Variants in NOMO1 observed in about 807,000 individuals in gnomAD.
NOMO1 encodes NODAL modulator 1.
NOMO1 carries 40 observed loss-of-function variants against 133.8 expected under a neutral mutation model. That is an observed-to-expected ratio of 0.30 (90% confidence interval 0.23 to 0.39). NOMO1 has a LOEUF of 0.39. Ranked by LOEUF, NOMO1 falls within the 10% of genes least tolerant of loss-of-function variation. The pLI is 1.00. For missense variants in NOMO1, 462 were observed against 1,419.9 expected, an observed-to-expected ratio of 0.33 and a Z score of 10.84; for synonymous variants, 236 against 570.5, an observed-to-expected ratio of 0.41 and a Z score of 8.36.
At chr16:14,860,293 G>A (rs553109929) in intron 11 of NOMO1, among the ~76,000 whole-genome samples, 5 of 151,714 alleles carry the variant, frequency 3.3e-5, no homozygotes, top group African/African-American at 4.9e-5. Context: ...GCTTGAACCC[G>A]GGAGGCAGGG....
At chr16:14,867,171 TATATA>T (rs1163560578) in intron 15 of NOMO1, among the ~76,000 whole-genome samples, 10 of 20,904 alleles carry the variant, frequency 4.8e-4, no homozygotes, top group African/African-American at 1.0e-3. Context: ...TATATATATA[TATATA>T]TTTTTTTTTT....
chr16:14,867,149 GAT>G (rs1171568936), intron 15 of NOMO1, among the ~76,000 whole-genome samples: 1,276 of 17,268 alleles, frequency 0.074, 112 homozygotes, highest in Non-Finnish European at 0.091. Context: ...GAGTTTCTCT[GAT>G]ATATATATAT....
chr16:14,867,176 A>ATATTTTTT (rs1465653437), intron 15 of NOMO1, among the ~76,000 whole-genome samples: 1 of 7,476 alleles, frequency 1.3e-4, no homozygotes, highest in African/African-American at 2.7e-4. Context: ...ATATATATAT[A>ATATTTTTT]TTTTTTTTTT....
chr16:14,836,746 C>T (rs912746096), intron 1 of NOMO1, among the ~76,000 whole-genome samples: 3 of 148,350 alleles, frequency 2.0e-5, no homozygotes, highest in Non-Finnish European at 4.5e-5. Context: ...TCGCCCAGGC[C>T]GGACTGCAGA....
intron 26 of NOMO1, among the ~76,000 whole-genome samples, chr16:14,883,340 T>TTTTTTTTC (rs1964272483): frequency 7.0e-6 from 1 of 141,916 alleles, no homozygotes; most frequent in South Asian, 2.2e-4. Flanking sequence ...TTTCTTTTTC[T>TTTTTTTTC]TTTTTTTTTT....
chr16:14,840,945 G>T (rs991194423), intron 2 of NOMO1, among the ~76,000 whole-genome samples: 3 of 151,734 alleles, frequency 2.0e-5, no homozygotes, highest in African/African-American at 4.9e-5. Context: ...GGGATTATAG[G>T]TGTGAGGTGC....
In NOMO1 at chr16:14,891,436, A is replaced by G. The variant is rs1217685781; in HGVS notation, c.3444+2221A>G. Among the ~76,000 whole-genome samples, 6 of 151,816 alleles carry G rather than the reference A, an allele frequency of 4.0e-5. No homozygotes were observed. The East Asian group carries it at 5.8e-4, about 15-fold the overall frequency. On this transcript the variant is annotated intron_variant, in intron 29 of 30. Coordinates refer to ENST00000287667, the MANE Select transcript of NOMO1 (RefSeq NM_014287.4). ...TTCTGCAAAGATTTACTTTATTTCT[A>G]TGTTAAATGTGTTGATTTTTTTCTT...
In NOMO1 at chr16:14,835,243, C is replaced by T. The variant is rs569045590; in HGVS notation, c.165+1227C>T. 1.9e-3 allele frequency among the ~76,000 whole-genome samples: 286 copies of T among 149,048 alleles called. 13 individuals are homozygous for T. The highest frequency in any genetic ancestry group is 6.4e-3 in the African/African-American group (260 of 40,554). ...GGATCCGTGATCTTCTTCAAGGCCCCCTTGTTTACTGCTTTTTCAGACTGA... is the reference window on the plus strand; with the variant it reads ...GGATCCGTGATCTTCTTCAAGGCCCTCTTGTTTACTGCTTTTTCAGACTGA... On this transcript the variant is annotated intron_variant, in intron 1 of 30. Transcript: ENST00000287667.
intron 16 of NOMO1, among the ~76,000 whole-genome samples, chr16:14,871,081 C>T (rs959550905): frequency 6.6e-6 from 1 of 150,578 alleles, no homozygotes; most frequent in African/African-American, 2.5e-5. Flanking sequence ...CATTGTTATT[C>T]CTTGTATCTT....
chr16:14,894,980 G>C lies in NOMO1; in HGVS notation c.3445-18G>C. On this transcript the variant is annotated intron_variant, in intron 29 of 30. Coordinates refer to ENST00000287667, the MANE Select transcript of NOMO1 (RefSeq NM_014287.4). ...GTGTGGCCTTGGTGAGGAGTGATGG[G>C]GCTCTCGGTGTTTGCAGAGGAAGCT... 1 of 1,611,804 alleles carries C rather than the reference G, an allele frequency of 6.2e-7. No homozygotes were observed.
intron 11 of NOMO1, among the ~76,000 whole-genome samples, chr16:14,860,144 C>T (rs551200646): frequency 2.2e-4 from 34 of 151,912 alleles, no homozygotes; most frequent in Non-Finnish European, 4.0e-4. Context: ...CTGAGGTGGG[C>T]GGATCATGAG....
At chr16:14,882,223 AT>A (rs1341681116) in intron 25 of NOMO1, among the ~76,000 whole-genome samples, 4 of 19,056 alleles carry the variant, frequency 2.1e-4, no homozygotes, top group Admixed American at 1.1e-3. Context: ...TATGGTGGAC[AT>A]TCCAGATATC....
chr16:14,856,436 C>G (rs1018678354), intron 9 of NOMO1, among the ~76,000 whole-genome samples: 10 of 150,782 alleles, frequency 6.6e-5, no homozygotes, highest in African/African-American at 2.4e-4. Context: ...CTTTTTTTTT[C>G]TTTGAGACAG....
intron 22 of NOMO1, among the ~76,000 whole-genome samples, chr16:14,877,973 A>G (rs1964185484): frequency 7.2e-6 from 1 of 139,602 alleles, no homozygotes; most frequent in Non-Finnish European, 1.6e-5. Context: ...GTACCACAAG[A>G]GTAGGTGCTG....
intron 29 of NOMO1, among the ~76,000 whole-genome samples, chr16:14,891,874 T>C: frequency 6.6e-6 from 1 of 152,082 alleles, no homozygotes; most frequent in African/African-American, 2.4e-5. Flanking sequence ...TGATCTTACC[T>C]GAACAAGAGA....
chr16:14,853,637 C>T, intron 8 of NOMO1, 33 bp downstream of exon 8: 1 of 1,611,538 alleles, frequency 6.2e-7, no homozygotes, highest in South Asian at 1.1e-5. Flanking sequence ...CTGTTTATGT[C>T]TGAGACTCTC....
intron 10 of NOMO1, 76 bp from the exon 11 acceptor site, chr16:14,857,429 C>T (rs1963857671): frequency 3.8e-6 from 6 of 1,573,238 alleles, no homozygotes; most frequent in Admixed American, 3.6e-5. Context: ...GCTTTTGGTC[C>T]AAGTATTCTG....
chr16:14,873,540 GT>G (rs1964108351), intron 18 of NOMO1, among the ~76,000 whole-genome samples: 1 of 147,916 alleles, frequency 6.8e-6, no homozygotes, highest in African/African-American at 2.5e-5. Flanking sequence ...GGGGAGCCAG[GT>G]TTTTAGCTGG....
At chr16:14,853,671 G>A (rs1386943905) in intron 8 of NOMO1, 67 bp downstream of exon 8, 14 of 1,610,218 alleles carry the variant, frequency 8.7e-6, no homozygotes, top group African/African-American at 1.3e-5. Context: ...AGCCAATGCT[G>A]TTTGGGTGTT....
Sources: allele counts gnomAD v4.1 joint callset (sites outside exome capture counted in the v4.1 genomes callset), GRCh38; gene constraint gnomAD v4.1.1; transcripts MANE v1.5; gene names NCBI Gene and HGNC (gene_info 2026-07-23, HGNC 2026-07-21).